Variants in SLIT3 observed in about 807,000 individuals in gnomAD.
SLIT3 encodes slit homolog 3 protein.
In SLIT3, 68 loss-of-function variants were observed where a neutral mutation model predicts 184.0. The ratio of observed to expected loss-of-function variants is 0.37; its 90% CI spans 0.30 to 0.45. The LOEUF is 0.45. SLIT3 is among the 20% of genes least tolerant of loss of function. The pLI is 1.00. For synonymous variants in SLIT3, 831 were observed against 828.6 expected, an observed-to-expected ratio of 1.00 and a Z score of -0.05; for missense variants, 1,707 against 2,026.0, an observed-to-expected ratio of 0.84 and a Z score of 3.02.
At chr5:169,238,459 G>A (rs192098154) in intron 3 of SLIT3, among the ~76,000 whole-genome samples, 1 of 150,198 alleles carries the variant, frequency 6.7e-6, no homozygotes, top group Admixed American at 6.6e-5. Flanking sequence ...ACCTTTATAT[G>A]GGCTTCAATC....
intron 4 of SLIT3, among the ~76,000 whole-genome samples, chr5:169,002,322 CA>C (rs397999882): frequency 0.041 from 984 of 24,026 alleles, no homozygotes; most frequent in East Asian, 0.11. Context: ...GACTCTGTCT[CA>C]AAAAAAAAAA....
rs757648989 is a variant in SLIT3 at position 168,671,380 on chromosome 5, C to A, written c.3945G>T (p.Leu1315=). ...GTGGTGGGAGGGCCTTGAAGTCCTG[C>A]AGCTCGTTGTTGATGCGCACCTCAT... ...CIHEVRINNE[L]QDFKALPPQS... Residue 1315 remains leucine (L), a synonymous_variant, in exon 34 of 36, where the codon CTG becomes CTT. Coordinates refer to ENST00000519560, the MANE Select transcript of SLIT3 (RefSeq NM_003062.4). The A allele has an allele frequency of 6.2e-7, 1 of 1,614,162 alleles. No individual in the cohort carries two copies. Among genetic ancestry groups the A allele is most frequent in the Non-Finnish European group, 8.5e-7 (1 of 1,180,024 alleles).
At chr5:168,793,830 G>A (rs1031444258) in intron 10 of SLIT3, among the ~76,000 whole-genome samples, 1 of 152,082 alleles carries the variant, frequency 6.6e-6, no homozygotes, top group Non-Finnish European at 1.5e-5. Context: ...GAGCGGGCTG[G>A]GGAAGCAGGG....
intron 3 of SLIT3, among the ~76,000 whole-genome samples, chr5:169,208,385 C>T (rs1249269276): frequency 6.6e-6 from 1 of 152,058 alleles, no homozygotes; most frequent in Non-Finnish European, 1.5e-5. Flanking sequence ...TAGTGGTATT[C>T]CTAGATATTT....
At chr5:169,188,741 T>G (rs1243658336) in intron 4 of SLIT3, among the ~76,000 whole-genome samples, 2 of 152,226 alleles carry the variant, frequency 1.3e-5, no homozygotes, top group Non-Finnish European at 2.9e-5. Flanking sequence ...TCAATGCCAA[T>G]TATTTTCCCC....
intron 4 of SLIT3, among the ~76,000 whole-genome samples, chr5:168,913,120 C>T (rs372373977): frequency 1.6e-4 from 25 of 152,208 alleles, no homozygotes; most frequent in Non-Finnish European, 2.8e-4. Flanking sequence ...TACTGCCCAT[C>T]GCACCTGGCT....
At chr5:168,964,864 A>T (rs1348770383) in intron 4 of SLIT3, among the ~76,000 whole-genome samples, 1 of 152,116 alleles carries the variant, frequency 6.6e-6, no homozygotes, top group Non-Finnish European at 1.5e-5. Context: ...CCTGATGCCC[A>T]CTAGGGCCCT....
intron 4 of SLIT3, among the ~76,000 whole-genome samples, chr5:169,134,389 C>A (rs1018311546): frequency 6.6e-6 from 1 of 152,142 alleles, no homozygotes; most frequent in African/African-American, 2.4e-5. Flanking sequence ...TTCTTGGACC[C>A]AAGGTCTTCA....
intron 4 of SLIT3, among the ~76,000 whole-genome samples, chr5:169,157,835 AAAG>A (rs1294373486): frequency 1.2e-4 from 19 of 152,204 alleles, no homozygotes; most frequent in African/African-American, 4.1e-4. Context: ...AACAAAGAAA[AAAG>A]AACCAAATGA....
chr5:168,787,959 T>C (rs1439732158), intron 11 of SLIT3, among the ~76,000 whole-genome samples: 2 of 151,072 alleles, frequency 1.3e-5, no homozygotes, highest in Non-Finnish European at 2.9e-5. Flanking sequence ...AGGCATCTAC[T>C]GCATGAATGA....
intron 5 of SLIT3, among the ~76,000 whole-genome samples, chr5:168,871,524 A>G (rs530590026): frequency 6.6e-6 from 1 of 152,170 alleles, no homozygotes; most frequent in Non-Finnish European, 1.5e-5. Context: ...TACCTAGCCC[A>G]TTAGAAGCCA....
intron 20 of SLIT3, among the ~76,000 whole-genome samples, chr5:168,727,599 A>G (rs1763171035): frequency 6.6e-6 from 1 of 152,222 alleles, no homozygotes; most frequent in Non-Finnish European, 1.5e-5. Flanking sequence ...ATGAGAGGCC[A>G]TGACTGCAGA....
At position 168,710,915 on chromosome 5, in the gene SLIT3, G is replaced by T; in HGVS notation, c.2699C>A (p.Thr900Asn). Residue 900 changes from threonine to asparagine, a missense_variant, in exon 25 of 36, where the codon ACC (threonine) becomes AAC (asparagine). This residue lies in a region of SLIT3 where 1,307 missense variants were observed against 1,511.6 expected (regional missense o/e 0.86). Coordinates refer to ENST00000519560, the MANE Select transcript of SLIT3 (RefSeq NM_003062.4). ...CCTACCTTTGCACTGGAAGCGGTGG[G>T]TTGGGGTGGTGAGCAGGAGCCTGTC... ...MADRLLLTTP[T>N]HRFQCKGPVD... 6.4e-7 allele frequency: 1 copy of T among 1,556,382 alleles called. No homozygotes were observed. The highest frequency in any genetic ancestry group is 8.7e-7 in the Non-Finnish European group (1 of 1,149,092).
Position 168,998,907 on chromosome 5 carries a change from G to GTT in SLIT3, c.414-115572_414-115571insAA, listed in dbSNP as rs1165371823. 2.4e-3 allele frequency among the ~76,000 whole-genome samples: 341 copies of GTT among 141,338 alleles called. 1 individual carries two copies. Among genetic ancestry groups the GTT allele is most frequent in the African/African-American group, 7.9e-3 (322 of 40,526 alleles). The allele number at this position is 141,338 out of a possible 152,430, so 92.7% of individuals were successfully genotyped here. On this transcript the variant is annotated intron_variant, in intron 4 of 35. Transcript: ENST00000519560. ...GACCCAGAAATCTGTGTGTGTGTGTGTGTGTGTGTGTGTGTGTGTGTTTTG... is the reference window on the plus strand; with the variant it reads ...GACCCAGAAATCTGTGTGTGTGTGTGTTTGTGTGTGTGTGTGTGTGTGTTTTG...
intron 5 of SLIT3, among the ~76,000 whole-genome samples, chr5:168,876,903 T>C (rs951085220): frequency 1.3e-5 from 2 of 152,234 alleles, no homozygotes; most frequent in Non-Finnish European, 2.9e-5. Context: ...ATTATTTCTA[T>C]AGTATATGGT....
At chr5:168,817,196 A>T in intron 8 of SLIT3, 104 bp downstream of exon 8, 8 of 1,073,024 alleles carry the variant, frequency 7.5e-6, no homozygotes, top group Non-Finnish European at 1.1e-5. Context: ...CTTCCACACC[A>T]AGCTCTGGGC....
chr5:168,890,341 C>CTCT (rs973838889), intron 4 of SLIT3, among the ~76,000 whole-genome samples: 3 of 152,276 alleles, frequency 2.0e-5, no homozygotes, highest in Admixed American at 6.5e-5. Context: ...ATCAAGAGGA[C>CTCT]TCACAGGGAA....
intron 4 of SLIT3, among the ~76,000 whole-genome samples, chr5:168,935,197 G>A (rs183128148): frequency 8.4e-4 from 127 of 151,702 alleles, no homozygotes; most frequent in Non-Finnish European, 1.6e-3. Flanking sequence ...CTATTAAAGA[G>A]GTATTGCCCT....
intron 4 of SLIT3, among the ~76,000 whole-genome samples, chr5:168,985,607 A>T (rs1419736904): frequency 6.6e-6 from 1 of 152,136 alleles, no homozygotes; most frequent in Non-Finnish European, 1.5e-5. Flanking sequence ...TGGTGGGCGC[A>T]GCATGTGGTC....
Sources: allele counts gnomAD v4.1 joint callset (sites outside exome capture counted in the v4.1 genomes callset), GRCh38; gene constraint gnomAD v4.1.1; regional missense constraint gnomAD v4.1.1; transcripts MANE v1.5; gene names NCBI Gene and HGNC (gene_info 2026-07-23, HGNC 2026-07-21).